Variants in MLLT3 observed in about 807,000 individuals in gnomAD.
MLLT3 encodes the protein MLLT3 super elongation complex subunit.
MLLT3 carries 4 observed loss-of-function variants against 53.2 expected under a neutral mutation model. That is an observed-to-expected ratio of 0.08 (90% confidence interval 0.04 to 0.17). The LOEUF (loss-of-function observed/expected upper bound fraction) is 0.17, where lower values mean the gene tolerates loss of function less well. Ranked by LOEUF, MLLT3 falls within the 10% of genes least tolerant of loss-of-function variation. The pLI is 1.00. For synonymous variants in MLLT3, 283 were observed against 230.6 expected, an observed-to-expected ratio of 1.23 and a Z score of -2.06; for missense variants, 569 against 684.0, an observed-to-expected ratio of 0.83 and a Z score of 1.87.
At chr9:20,395,149 T>C (rs984319397) in intron 5 of MLLT3, among the ~76,000 whole-genome samples, 7 of 152,172 alleles carry the variant, frequency 4.6e-5, no homozygotes, top group Admixed American at 1.3e-4. Context: ...CAAAGCACTT[T>C]GGAGGGAAGG....
chr9:20,486,713 T>C (rs1824824013), intron 2 of MLLT3, among the ~76,000 whole-genome samples: 1 of 152,226 alleles, frequency 6.6e-6, no homozygotes, highest in Admixed American at 6.5e-5. Context: ...GGGCCAGCTC[T>C]TGGTTAATAT....
intron 5 of MLLT3, among the ~76,000 whole-genome samples, chr9:20,376,925 G>C (rs753753941): frequency 3.3e-5 from 5 of 152,158 alleles, no homozygotes; most frequent in Non-Finnish European, 7.4e-5. Context: ...TATAAACACA[G>C]TACTATTTTT....
At chr9:20,503,673 C>CCAAAAA (rs1372818439) in intron 2 of MLLT3, among the ~76,000 whole-genome samples, 1 of 151,648 alleles carries the variant, frequency 6.6e-6, no homozygotes, top group Admixed American at 6.6e-5. Context: ...GCACAGGCAA[C>CCAAAAA]CAAAAACAAA....
chr9:20,439,225 G>A (rs1187220002), intron 4 of MLLT3, among the ~76,000 whole-genome samples: 6 of 151,894 alleles, frequency 4.0e-5, no homozygotes, highest in African/African-American at 9.7e-5. Flanking sequence ...ACGTGGTGGC[G>A]TACATCTGTA....
At chr9:20,566,044 A>T (rs1327640593) in intron 2 of MLLT3, among the ~76,000 whole-genome samples, 2 of 116,522 alleles carry the variant, frequency 1.7e-5, no homozygotes, top group Non-Finnish European at 3.5e-5. Flanking sequence ...TTATTTATTT[A>T]TATATATATT....
At chr9:20,582,689 G>A (rs146488357) in intron 2 of MLLT3, among the ~76,000 whole-genome samples, 3 of 152,296 alleles carry the variant, frequency 2.0e-5, no homozygotes, top group Non-Finnish European at 4.4e-5. Flanking sequence ...CATGGCAGCA[G>A]CAAGAGAAAA....
At chr9:20,542,280 G>C (rs1279864237) in intron 2 of MLLT3, among the ~76,000 whole-genome samples, 5 of 127,918 alleles carry the variant, frequency 3.9e-5, no homozygotes, top group Non-Finnish European at 6.3e-5. Context: ...GTCTTGCTCT[G>C]TCGCCCAGGC....
chr9:20,456,694 G>T lies in MLLT3; in HGVS notation c.276+10C>A. ...GTCTACTGAAAGATTAATGGGTAAA[G>T]ATTACATACCTTGTTTTTAAAATAA... On this transcript the variant is annotated intron_variant, in intron 3 of 10. Coordinates refer to ENST00000380338, the MANE Select transcript of MLLT3 (RefSeq NM_004529.4). 1.3e-6 allele frequency: 2 copies of T among 1,582,472 alleles called. No individual in the cohort carries two copies. Among genetic ancestry groups the T allele is most frequent in the South Asian group, 2.3e-5 (2 of 88,592 alleles).
intron 2 of MLLT3, among the ~76,000 whole-genome samples, chr9:20,535,523 G>GA (rs1818459013): frequency 6.6e-6 from 1 of 151,838 alleles, no homozygotes; most frequent in African/African-American, 2.4e-5. Context: ...TAGAAACCAA[G>GA]AAAAAAGGAA....
chr9:20,392,846 AC>A (rs1822221343), intron 5 of MLLT3, among the ~76,000 whole-genome samples: 1 of 152,182 alleles, frequency 6.6e-6, no homozygotes, highest in Non-Finnish European at 1.5e-5. Flanking sequence ...CTCAAGAATC[AC>A]CAGGTCCTCT....
intron 2 of MLLT3, among the ~76,000 whole-genome samples, chr9:20,487,448 C>T (rs971768517): frequency 6.6e-6 from 1 of 151,544 alleles, no homozygotes; most frequent in African/African-American, 2.4e-5. Flanking sequence ...TCTGGAGAAG[C>T]TTATGGCCAC....
Position 20,341,754 on chromosome 9 carries a change from T to G in MLLT3, c.*4689A>C, listed in dbSNP as rs144301304. On this transcript the variant is annotated 3_prime_UTR_variant, in exon 11 of 11. Transcript: ENST00000380338. The stretch of plus-strand genomic sequence containing the variant: ...CTAATCAAGGTAGCAGTTCTTGCTG[T>G]GAAAGTAAATGCAGGGACTTTGTAA... The G allele has an allele frequency of 5.2e-6, 1 of 192,310 alleles. No individual in the cohort carries two copies. Among genetic ancestry groups the G allele is most frequent in the Non-Finnish European group, 1.1e-5 (1 of 92,188 alleles). The allele number at this position is 192,310 out of a possible 1,614,324, so 11.9% of individuals were successfully genotyped here. A position where few individuals can be genotyped will look rare whatever the true frequency, so the allele number is the denominator to read the frequency against.
intron 3 of MLLT3, among the ~76,000 whole-genome samples, chr9:20,453,883 T>G (rs899409891): frequency 3.3e-5 from 5 of 152,226 alleles, no homozygotes; most frequent in Admixed American, 3.3e-4. Flanking sequence ...ATTAGGTGTA[T>G]CCTACTTTTC....
chr9:20,593,257 A>C lies in MLLT3; in HGVS notation c.193+27397T>G, dbSNP rs1484333207. On this transcript the variant is annotated intron_variant, in intron 2 of 10. Coordinates refer to ENST00000380338, the MANE Select transcript of MLLT3 (RefSeq NM_004529.4). ...CCACCTCCTCTCTCCTCAGATCTCA[A>C]CATTTAAAAATTAATGGGTGTGTTC... is the stretch of plus-strand genomic sequence containing the variant. Among the ~76,000 whole-genome samples the C allele has an allele frequency of 2.6e-5, 4 of 152,314 alleles. No individual in the cohort carries two copies. In the East Asian group the frequency reaches 5.8e-4, roughly 22 times the overall value.
chr9:20,488,294 G>A (rs1051655511), intron 2 of MLLT3, among the ~76,000 whole-genome samples: 3 of 151,992 alleles, frequency 2.0e-5, no homozygotes, highest in African/African-American at 7.3e-5. Context: ...GATAATGACT[G>A]TGCAACAATG....
At position 20,621,322 on chromosome 9, in the gene MLLT3, G is replaced by A. The variant is rs1186645685; in HGVS notation, c.13-488C>T. On this transcript the variant is annotated intron_variant, in intron 1 of 10. Transcript: ENST00000380338. This position sits in a 1 kb window ranked among gnomAD's most constrained non-coding sequence, Gnocchi z 7.0. ...GAAGTCTTTGTGTACGTGTGTGTGC[G>A]TGCGTGTGGAGCGCTGTGCCAGGCG... Among the ~76,000 whole-genome samples the A allele has an allele frequency of 3.9e-5, 6 of 152,154 alleles. No individual in the cohort carries two copies. The highest frequency in any genetic ancestry group is 2.6e-4 in the Admixed American group (4 of 15,286).
intron 2 of MLLT3, among the ~76,000 whole-genome samples, chr9:20,471,159 T>C (rs879411951): frequency 6.6e-6 from 1 of 152,054 alleles, no homozygotes; most frequent in Non-Finnish European, 1.5e-5. Flanking sequence ...ATTCAATCAA[T>C]AGATATTTAT....
intron 2 of MLLT3, among the ~76,000 whole-genome samples, chr9:20,528,895 A>G (rs1818263780): frequency 6.6e-6 from 1 of 152,224 alleles, no homozygotes; most frequent in South Asian, 2.1e-4. Flanking sequence ...AAAACTGTTG[A>G]GCATTCTCAT....
intron 2 of MLLT3, among the ~76,000 whole-genome samples, chr9:20,547,689 G>A (rs1001639045): frequency 6.7e-6 from 1 of 149,508 alleles, no homozygotes; most frequent in African/African-American, 2.4e-5. Context: ...AGTGGCTCAC[G>A]CCTGTAATTC....
Sources: allele counts gnomAD v4.1 joint callset (sites outside exome capture counted in the v4.1 genomes callset), GRCh38; gene constraint gnomAD v4.1.1; non-coding constraint Gnocchi (gnomAD v3.1); transcripts MANE v1.5; gene names NCBI Gene and HGNC (gene_info 2026-07-23, HGNC 2026-07-21).